Variants in BBS9 observed in about 807,000 individuals in gnomAD.
BBS9 encodes protein PTHB1.
A neutral mutation model predicts 117.7 loss-of-function variants in BBS9; 89 were observed. That is an observed-to-expected ratio of 0.76 (90% CI 0.64 to 0.90). The LOEUF (loss-of-function observed/expected upper bound fraction) is 0.90, where lower values mean the gene tolerates loss of function less well. BBS9 is among the 40% of genes least tolerant of loss of function. The probability of loss-of-function intolerance (pLI) is 0.00; values close to 1 mark genes in which losing one functional copy is unlikely to be tolerated. For synonymous variants in BBS9, 379 were observed against 370.9 expected (o/e 1.02, Z -0.25); for missense variants, 982 against 1,042.2 (o/e 0.94, Z 0.80).
chr7:33,413,989 A>G (rs1377716438), intron 19 of BBS9, among the ~76,000 whole-genome samples: 1 of 152,106 alleles, frequency 6.6e-6, no homozygotes, highest in East Asian at 1.9e-4. Context: ...GCGCCATTGC[A>G]CTCCAGCCTG....
At position 33,612,347 on chromosome 7, in the gene BBS9, A is replaced by G. The variant is rs114629486; in HGVS notation, c.2522-22830A>G. Reference sequence around the variant, plus strand: ...TTAATCACATGAGGATGGATAGAGGATGAGAGTTGGGATTTATTTTCAACT... The same window carrying G: ...TTAATCACATGAGGATGGATAGAGGGTGAGAGTTGGGATTTATTTTCAACT... On this transcript the variant is annotated intron_variant, in intron 21 of 21. Coordinates refer to the BBS9 transcript ENST00000671952. Among the ~76,000 whole-genome samples the G allele has an allele frequency of 5.3e-3, 801 of 152,222 alleles. 7 individuals carry two copies. Among genetic ancestry groups the G allele is most frequent in the African/African-American group, 0.019 (783 of 41,574 alleles).
At chr7:33,303,846 T>TCGG in intron 9 of BBS9, among the ~76,000 whole-genome samples, 1 of 152,236 alleles carries the variant, frequency 6.6e-6, no homozygotes, top group South Asian at 2.1e-4. Context: ...TGGCGTGATC[T>TCGG]CGGCTCGCTA....
intron 19 of BBS9, among the ~76,000 whole-genome samples, chr7:33,500,524 T>G (rs1386945022): frequency 6.6e-6 from 1 of 152,184 alleles, no homozygotes; most frequent in African/African-American, 2.4e-5. Context: ...GGGTCAGCAG[T>G]TCCTATCTCA....
intron 9 of BBS9, among the ~76,000 whole-genome samples, chr7:33,323,474 T>A (rs533704171): frequency 2.2e-4 from 33 of 152,282 alleles, no homozygotes; most frequent in South Asian, 1.0e-3. Flanking sequence ...GAGTTTTTTT[T>A]AAATCATTAT....
chr7:33,474,131 G>A (rs1841474410), intron 19 of BBS9, among the ~76,000 whole-genome samples: 2 of 152,206 alleles, frequency 1.3e-5, no homozygotes, highest in Admixed American at 1.3e-4. Flanking sequence ...TGTGCTGTGT[G>A]TTCCCTGTGG....
rs34171272 is a variant in BBS9, at chr7:33,155,948, G to C, written c.328+246G>C. On this transcript the variant is annotated intron_variant, in intron 4 of 22. Coordinates refer to ENST00000242067, the MANE Select transcript of BBS9 (RefSeq NM_198428.3). Reference sequence around the variant, plus strand: ...AGCAGAGGATTCCTCTTAATCACCTGCCTCTCCAGAATTGTTTCCGGGATT... The same window carrying C: ...AGCAGAGGATTCCTCTTAATCACCTCCCTCTCCAGAATTGTTTCCGGGATT... Among the ~76,000 whole-genome samples, 22,387 of 152,072 alleles carry C rather than the reference G, an allele frequency of 0.15. 1,949 individuals are homozygous for C. The highest frequency in any genetic ancestry group is 0.21 in the South Asian group (1,034 of 4,818).
At chr7:33,444,119 G>A (rs932554905) in intron 19 of BBS9, among the ~76,000 whole-genome samples, 1 of 152,118 alleles carries the variant, frequency 6.6e-6, no homozygotes, top group African/African-American at 2.4e-5. Context: ...ATTGGGTCAG[G>A]ATATGACCTT....
At chr7:33,401,211 T>A (rs905834844) in intron 19 of BBS9, among the ~76,000 whole-genome samples, 2 of 152,248 alleles carry the variant, frequency 1.3e-5, no homozygotes, top group Non-Finnish European at 1.5e-5. Flanking sequence ...GTTAGAATGA[T>A]AAGCCAGAAG....
At chr7:33,474,590 G>A (rs1841538360) in intron 19 of BBS9, among the ~76,000 whole-genome samples, 1 of 152,188 alleles carries the variant, frequency 6.6e-6, no homozygotes, top group Non-Finnish European at 1.5e-5. Context: ...TCCAGATGAT[G>A]TAATATCCAG....
chr7:33,373,246 C>G (rs1823197430), intron 17 of BBS9, among the ~76,000 whole-genome samples: 1 of 152,092 alleles, frequency 6.6e-6, no homozygotes, highest in African/African-American at 2.4e-5. Flanking sequence ...AAACAAGTTA[C>G]TCAAGATATG....
At chr7:33,139,543 G>T (rs1791112190) in intron 1 of BBS9, among the ~76,000 whole-genome samples, 1 of 151,018 alleles carries the variant, frequency 6.6e-6, no homozygotes. Flanking sequence ...TCAAACTCCA[G>T]CTTTGTCTCT....
At chr7:33,411,011 GTTTTT>G (rs765425062) in intron 19 of BBS9, among the ~76,000 whole-genome samples, 1 of 96,422 alleles carries the variant, frequency 1.0e-5, no homozygotes, top group African/African-American at 3.4e-5. Flanking sequence ...AAATGTTGGT[GTTTTT>G]TTTTTTTTTT....
At chr7:33,351,101 T>C (rs1818565903) in intron 13 of BBS9, 118 bp from the exon 14 acceptor site, 1 of 667,482 alleles carries the variant, frequency 1.5e-6, no homozygotes, top group Non-Finnish European at 2.7e-6. Flanking sequence ...AAAGAGTTAC[T>C]TCATGTAAGT....
rs141927514 is a variant in BBS9 at position 33,263,387 on chromosome 7, G to A, written c.618-903G>A. On this transcript the variant is annotated intron_variant, in intron 6 of 22. Coordinates refer to ENST00000242067, the MANE Select transcript of BBS9 (RefSeq NM_198428.3). ...AGAAAATGTGAGTTTTGATTCAATA[G>A]GAGGGAAAGGCATCTGTGAGTCTGT... Among the ~76,000 whole-genome samples, 342 of 152,158 alleles carry A rather than the reference G, an allele frequency of 2.2e-3. 1 individual carries two copies. Among genetic ancestry groups the A allele is most frequent in the Middle Eastern group, 0.02 (6 of 294 alleles).
chr7:33,236,341 G>GA (rs1316640832), intron 5 of BBS9, among the ~76,000 whole-genome samples: 5 of 112,934 alleles, frequency 4.4e-5, no homozygotes, highest in South Asian at 3.1e-4. Context: ...AAAAAAAAAA[G>GA]AAAAAAAAAT....
chr7:33,571,239 A>T (rs905880779), intron 21 of BBS9, among the ~76,000 whole-genome samples: 4 of 152,180 alleles, frequency 2.6e-5, no homozygotes, highest in Admixed American at 6.5e-5. Flanking sequence ...AAACAAATAC[A>T]TACAGATATT....
rs781169371 is a variant in BBS9 at position 33,273,202 on chromosome 7, A to G, written c.886+7A>G. On this transcript the variant is annotated splice_region_variant and intron_variant, in intron 8 of 22. Coordinates refer to ENST00000242067, the MANE Select transcript of BBS9 (RefSeq NM_198428.3). ...TTTCTGCCATATTGCTCAGGTGTGT[A>G]GAAAGATTTTCTTTTATCTCTTCCA... The G allele has an allele frequency of 7.4e-6, 12 of 1,613,608 alleles. No homozygotes were observed. The highest frequency in any genetic ancestry group is 1.3e-5 in the African/African-American group (1 of 75,028).
intron 21 of BBS9, among the ~76,000 whole-genome samples, chr7:33,543,151 T>G (rs1327053308): frequency 6.6e-6 from 1 of 152,132 alleles, no homozygotes; most frequent in Non-Finnish European, 1.5e-5. Context: ...ATTATGGCCA[T>G]TCTTGCAGGA....
At chr7:33,434,338 A>ATGTG (rs1834981735) in intron 19 of BBS9, among the ~76,000 whole-genome samples, 1 of 151,780 alleles carries the variant, frequency 6.6e-6, no homozygotes, top group South Asian at 2.1e-4. Context: ...TTTTTATTTA[A>ATGTG]TGTGTATCTG....
Sources: gnomAD v4.1 joint callset for allele counts (sites outside exome capture counted in the v4.1 genomes callset) on GRCh38, gnomAD v4.1.1 for gene constraint, MANE v1.5 for transcripts, NCBI Gene and HGNC (gene_info 2026-07-23, HGNC 2026-07-21) for gene names.